SYK: variants seen among roughly 807,000 people sequenced by gnomAD.
The protein encoded by SYK is tyrosine-protein kinase SYK.
A neutral mutation model predicts 77.8 loss-of-function variants in SYK; 16 were observed. That is an observed-to-expected ratio of 0.21 (90% CI 0.14 to 0.31). The LOEUF (loss-of-function observed/expected upper bound fraction) is 0.31, where lower values mean the gene tolerates loss of function less well. Ranked by LOEUF, SYK falls within the 10% of genes least tolerant of loss-of-function variation. The pLI is 1.00. For missense variants in SYK, 529 were observed against 814.4 expected (o/e 0.65, Z 4.26); for synonymous variants, 312 against 308.7 (o/e 1.01, Z -0.11).
Position 90,843,773 on chromosome 9 carries a change from A to C in SYK, c.-41-85A>C. ...TTCAGAGATGGGAGGGTTTGTCTCC[A>C]CTTTGAAAGGGTTTGAGTGGTTTTA... On this transcript the variant is annotated intron_variant, in intron 1 of 13. Coordinates refer to ENST00000375754, the MANE Select transcript of SYK (RefSeq NM_003177.7). 7.4e-6 allele frequency: 8 copies of C among 1,088,394 alleles called. 2 individuals are homozygous for C. The South Asian group carries it at 1.7e-4, about 24-fold the overall frequency. The allele number at this position is 1,088,394 out of a possible 1,614,324, so 67.4% of individuals were successfully genotyped here.
At chr9:90,842,758 AGT>A (rs60139969) in intron 1 of SYK, among the ~76,000 whole-genome samples, 3,484 of 58,064 alleles carry the variant, frequency 0.06, 52 homozygotes, top group Non-Finnish European at 0.078. Flanking sequence ...GTATGGAGAG[AGT>A]GTGTGTGTGT....
rs553568008 is a variant in SYK at position 90,862,219 on chromosome 9, GACA to G, written c.598_600del (p.Asn200del). 134 of 1,612,740 alleles carry G rather than the reference GACA, an allele frequency of 8.3e-5. 1 individual carries two copies. In the African/African-American group the frequency reaches 1.6e-3, roughly 19 times the overall value. On this transcript the variant is annotated inframe_deletion, in exon 4 of 14. Transcript: ENST00000375754. ...CCTCTCTTCTAGGATCCGAGCCAGA[GACA>G]ACAACGGCTCCTACGCCCTGTGCCT...
intron 4 of SYK, 142 bp downstream of exon 4, chr9:90,862,486 C>A: frequency 9.9e-7 from 1 of 1,012,696 alleles, no homozygotes; most frequent in Non-Finnish European, 1.4e-6. Context: ...CTCTGGAGCT[C>A]ATGAGAAACA....
At chr9:90,817,882 T>TGAGAGAGA (rs1171979799) in intron 1 of SYK, among the ~76,000 whole-genome samples, 9 of 66,916 alleles carry the variant, frequency 1.3e-4, no homozygotes, top group African/African-American at 4.8e-4. Flanking sequence ...TGTGTGTGTG[T>TGAGAGAGA]GAGAGAGAGA....
chr9:90,869,308 T>C (rs1011156841), intron 7 of SYK, among the ~76,000 whole-genome samples: 4 of 152,216 alleles, frequency 2.6e-5, no homozygotes, highest in Admixed American at 2.0e-4. Flanking sequence ...TATTTAAGTT[T>C]AGAAGAACTT....
chr9:90,842,377 T>C (rs1417116932), intron 1 of SYK, among the ~76,000 whole-genome samples: 1 of 150,788 alleles, frequency 6.6e-6, no homozygotes, highest in Non-Finnish European at 1.5e-5. Context: ...ATGTGATGTG[T>C]GTAGTGCGCA....
In SYK at chr9:90,874,644, GGTCGTATGTTTCTTGACT is replaced by G. The variant is rs763858157; in HGVS notation, c.1004-26_1004-9del. The G allele has an allele frequency of 6.3e-7, 1 of 1,597,536 alleles. No homozygotes were observed. Among genetic ancestry groups the G allele is most frequent in the Non-Finnish European group, 8.5e-7 (1 of 1,169,784 alleles). On this transcript the variant is annotated splice_polypyrimidine_tract_variant and intron_variant, in intron 8 of 13. Transcript: ENST00000375754. ...AATCCTGGTGTGGGGTCCAGCCCCA[GGTCGTATGTTTCTTGACT>G]GCATTGCAGGCCCCCAGAGAGAAGC...
chr9:90,886,603 G>A (rs1828588781), intron 11 of SYK, among the ~76,000 whole-genome samples: 1 of 152,182 alleles, frequency 6.6e-6, no homozygotes, highest in Admixed American at 6.5e-5. Context: ...TACCTGGGAG[G>A]CTGAGGCAGA....
At chr9:90,867,050 T>C in intron 6 of SYK, 81 bp from the exon 7 acceptor site, 1 of 1,538,014 alleles carries the variant, frequency 6.5e-7, no homozygotes, top group Non-Finnish European at 9.0e-7. Context: ...TAGAAGCAAA[T>C]TTAAGTAGCA....
chr9:90,869,086 AAATGCTGGC>A (rs1827626998), intron 7 of SYK, among the ~76,000 whole-genome samples: 1 of 152,186 alleles, frequency 6.6e-6, no homozygotes, highest in Non-Finnish European at 1.5e-5. Context: ...AAAATACAGA[AAATGCTGGC>A]AATGCTGGTT....
chr9:90,848,658 T>C (rs1826692817), intron 3 of SYK, among the ~76,000 whole-genome samples: 1 of 152,210 alleles, frequency 6.6e-6, no homozygotes, highest in South Asian at 2.1e-4. Context: ...TCATGTCAGC[T>C]AATCCATCCA....
At chr9:90,812,985 T>C (rs961122630) in intron 1 of SYK, among the ~76,000 whole-genome samples, 2 of 152,220 alleles carry the variant, frequency 1.3e-5, no homozygotes, top group Admixed American at 1.3e-4. Context: ...AGGAAGAATA[T>C]GTGCACTGGT....
intron 3 of SYK, among the ~76,000 whole-genome samples, chr9:90,861,766 C>A (rs916501600): frequency 1.3e-5 from 2 of 152,184 alleles, no homozygotes; most frequent in South Asian, 4.1e-4. Flanking sequence ...GTAGAGCTGT[C>A]CATCTTGGAT....
chr9:90,884,160 TACACAC>T (rs67180121), intron 11 of SYK, among the ~76,000 whole-genome samples: 9 of 74,150 alleles, frequency 1.2e-4, no homozygotes, highest in African/African-American at 4.6e-4. Flanking sequence ...TGTGTATATA[TACACAC>T]ATACACATAC....
chr9:90,836,256 C>T (rs906375549), intron 1 of SYK, among the ~76,000 whole-genome samples: 4 of 147,408 alleles, frequency 2.7e-5, no homozygotes, highest in Non-Finnish European at 4.5e-5. Flanking sequence ...CACTGCACTC[C>T]AGCCTGGGCA....
intron 1 of SYK, among the ~76,000 whole-genome samples, chr9:90,842,329 TGTA>T (rs1482830571): frequency 7.0e-6 from 1 of 143,486 alleles, no homozygotes; most frequent in Non-Finnish European, 1.5e-5. Flanking sequence ...GTGTGTGTGG[TGTA>T]GTGTATGTGA....
chr9:90,875,977 A>C (rs182057667), intron 9 of SYK, among the ~76,000 whole-genome samples: 1 of 152,294 alleles, frequency 6.6e-6, no homozygotes, highest in African/African-American at 2.4e-5. Flanking sequence ...ATATAGACAA[A>C]AATATACACA....
At chr9:90,857,134 G>A (rs11794121) in intron 3 of SYK, among the ~76,000 whole-genome samples, 1 of 152,222 alleles carries the variant, frequency 6.6e-6, no homozygotes, top group South Asian at 2.1e-4. Flanking sequence ...TTGCGGCTTA[G>A]GAAAAACCTT....
intron 1 of SYK, among the ~76,000 whole-genome samples, chr9:90,811,373 T>C (rs1402200043): frequency 1.3e-5 from 2 of 152,182 alleles, no homozygotes; most frequent in Non-Finnish European, 2.9e-5. Flanking sequence ...ACACAAGTGC[T>C]TTCACTCAAC....
Sources: allele counts gnomAD v4.1 joint callset (sites outside exome capture counted in the v4.1 genomes callset), GRCh38; gene constraint gnomAD v4.1.1; transcripts MANE v1.5; gene names NCBI Gene and HGNC (gene_info 2026-07-23, HGNC 2026-07-21).